Variants in MRPS5 observed in about 807,000 individuals in gnomAD.
The protein encoded by MRPS5 is small ribosomal subunit protein uS5m.
Under a neutral mutation model 51.9 loss-of-function variants are expected in MRPS5, and 27 were observed. That is an observed-to-expected ratio of 0.52 (90% CI 0.38 to 0.72). The LOEUF (loss-of-function observed/expected upper bound fraction) is 0.72. Ranked by LOEUF, MRPS5 falls within the 30% of genes least tolerant of loss-of-function variation. The pLI, the probability that MRPS5 is intolerant of heterozygous loss-of-function variation, is 0.00. For missense variants in MRPS5, 570 were observed against 545.7 expected, an observed-to-expected ratio of 1.04 and a Z score of -0.44; for synonymous variants, 196 against 193.2, an observed-to-expected ratio of 1.01 and a Z score of -0.12.
At position 95,101,690 on chromosome 2, in the gene MRPS5, T is replaced by A; in HGVS notation, c.797A>T (p.Asp266Val). ...FSIGKATDRM[D>V]AFRKAKNRAV... Reference sequence around the variant, plus strand: ...AAATGTACATACTTTCCTGAAAGCATCCATCCGATCAGTAGCTTTCCCAAT... The same window carrying A: ...AAATGTACATACTTTCCTGAAAGCAACCATCCGATCAGTAGCTTTCCCAAT... Residue 266 changes from aspartate (D) to valine (V), a missense_variant, in exon 8 of 12, where the codon GAT becomes GTT. Physicochemically the swap from Asp to Val is radical, Grantham distance 152. Transcript: ENST00000272418. The A allele has an allele frequency of 1.9e-6, 3 of 1,599,150 alleles. No homozygotes were observed. Among genetic ancestry groups the A allele is most frequent in the Non-Finnish European group, 2.6e-6 (3 of 1,176,302 alleles).
At chr2:95,107,825 C>T (rs1455173406) in intron 5 of MRPS5, among the ~76,000 whole-genome samples, 1 of 152,148 alleles carries the variant, frequency 6.6e-6, no homozygotes, top group Non-Finnish European at 1.5e-5. Flanking sequence ...ACAGAAACAG[C>T]ATTCCCAAGC....
intron 1 of MRPS5, 133 bp downstream of exon 1, chr2:95,121,601 A>G: frequency 1.0e-6 from 1 of 969,120 alleles, no homozygotes; most frequent in Non-Finnish European, 1.5e-6. Flanking sequence ...CTCCGGCGGA[A>G]GGTGGGGGCA....
At chr2:95,098,675 T>C (rs1360678284) in intron 10 of MRPS5, among the ~76,000 whole-genome samples, 1 of 151,792 alleles carries the variant, frequency 6.6e-6, no homozygotes, top group Non-Finnish European at 1.5e-5. Context: ...CATCACACAC[T>C]GGGGCCTGTG....
At position 95,116,322 on chromosome 2, in the gene MRPS5, T is replaced by G. The variant is rs1178399131; in HGVS notation, c.140-1119A>C. On this transcript the variant is annotated intron_variant, in intron 2 of 11. Transcript: ENST00000272418. The stretch of plus-strand genomic sequence containing the variant: ...ATAAGATATTTAATCTTGTACTGTT[T>G]AGCACTGCAATCTCTGATATACTTT... Among the ~76,000 whole-genome samples, 3 of 151,880 alleles carry G rather than the reference T, an allele frequency of 2.0e-5. No individual in the cohort carries two copies. The East Asian group carries it at 5.8e-4, about 29-fold the overall frequency.
At chr2:95,106,318 T>C (rs189104402) in intron 6 of MRPS5, 105 bp downstream of exon 6, 2 of 896,308 alleles carry the variant, frequency 2.2e-6, no homozygotes, top group Non-Finnish European at 3.7e-6. Context: ...TCAGAAATAG[T>C]CATGCATCCA....
At chr2:95,106,379 ACCTC>A in intron 6 of MRPS5, 40 bp downstream of exon 6, 4 of 1,415,804 alleles carry the variant, frequency 2.8e-6, no homozygotes, top group Non-Finnish European at 4.0e-6. Flanking sequence ...ACCCACCCCA[ACCTC>A]TCCAAAGGCT....
intron 11 of MRPS5, among the ~76,000 whole-genome samples, chr2:95,090,176 C>CAAAA (rs35901146): frequency 2.5e-4 from 11 of 43,534 alleles, no homozygotes; most frequent in African/African-American, 4.4e-4. Flanking sequence ...GACTCCGTCT[C>CAAAA]AAAAAAAAAA....
intron 3 of MRPS5, among the ~76,000 whole-genome samples, chr2:95,113,424 C>A (rs1439323254): frequency 6.6e-6 from 1 of 151,288 alleles, no homozygotes; most frequent in African/African-American, 2.4e-5. Context: ...TGCAGTGAGC[C>A]GAGACCACGC....
chr2:95,087,641 A>G, intron 11 of MRPS5, 60 bp from the exon 12 acceptor site: 2 of 1,449,554 alleles, frequency 1.4e-6, no homozygotes, highest in Non-Finnish European at 1.9e-6. Context: ...CATAAAGAGC[A>G]GGAACTTCCA....
In MRPS5 at chr2:95,121,767, C is replaced by A. The variant is rs762671457; in HGVS notation, c.25G>T (p.Gly9Cys). ...CCGCTACACAGCACGGGGAGGCAGCCCACAGCGCGCACCGCGGTCGCCATG... is the reference window on the plus strand; with the variant it reads ...CCGCTACACAGCACGGGGAGGCAGCACACAGCGCGCACCGCGGTCGCCATG... MATAVRAV[G>C]CLPVLCSGTA... Residue 9 changes from glycine (G) to cysteine (C), a missense_variant, in exon 1 of 12, where the codon GGC becomes TGC. Gly to Cys is a radical substitution (Grantham distance 159, BLOSUM62 -3). Transcript: ENST00000272418. 17 of 1,553,380 alleles carry A rather than the reference C, an allele frequency of 1.1e-5. No homozygotes were observed. The Admixed American group carries it at 2.8e-4, about 25-fold the overall frequency.
intron 3 of MRPS5, among the ~76,000 whole-genome samples, chr2:95,112,277 C>G (rs1026785934): frequency 6.6e-6 from 1 of 152,106 alleles, no homozygotes; most frequent in Non-Finnish European, 1.5e-5. Context: ...ATTGGTCAGA[C>G]TGGTCTCCAA....
At chr2:95,088,872 G>A (rs570698302) in intron 11 of MRPS5, among the ~76,000 whole-genome samples, 1 of 152,178 alleles carries the variant, frequency 6.6e-6, no homozygotes, top group Admixed American at 6.5e-5. Flanking sequence ...TTCAAGACCA[G>A]CCTGACCAAC....
At chr2:95,117,746 A>C in intron 2 of MRPS5, 119 bp downstream of exon 2, 1 of 817,428 alleles carries the variant, frequency 1.2e-6, no homozygotes, top group Non-Finnish European at 1.9e-6. Context: ...AGGCTAAAAA[A>C]TGAAAAAAGA....
At position 95,108,211 on chromosome 2, in the gene MRPS5, T is replaced by C; in HGVS notation, c.601A>G (p.Ile201Val). The C allele has an allele frequency of 6.2e-7, 1 of 1,614,210 alleles. No homozygotes were observed. Among genetic ancestry groups the C allele is most frequent in the Non-Finnish European group, 8.5e-7 (1 of 1,180,028 alleles). Reference sequence around the variant, plus strand: ...CCAGGGTCAGGGGGGCCAAGACTGATGCCTCCCCATGAGTTTCCACTCCAT... The same window carrying C: ...CCAGGGTCAGGGGGGCCAAGACTGACGCCTCCCCATGAGTTTCCACTCCAT... ...RGWSGNSWGG[I>V]SLGPPDPGPC... Residue 201 changes from isoleucine to valine, a missense_variant, in exon 5 of 12, where the codon ATC becomes GTC. Coordinates refer to ENST00000272418, the MANE Select transcript of MRPS5 (RefSeq NM_031902.5).
At chr2:95,110,192 C>T (rs1676076543) in intron 3 of MRPS5, 151 bp from the exon 4 acceptor site, 1 of 904,196 alleles carries the variant, frequency 1.1e-6, no homozygotes, top group Non-Finnish European at 1.7e-6. Flanking sequence ...TCATCCTTTG[C>T]ACACATCAGA....
In MRPS5 at chr2:95,090,423, C is replaced by T. The variant is rs1056465409; in HGVS notation, c.1031G>A (p.Ser344Asn). Residue 344 changes from serine (S) to asparagine (N), a missense_variant, in exon 11 of 12, where the codon AGC becomes AAC. Transcript: ENST00000272418. ...CCCACGGAAGAGGCCCTGGGTGAGG[C>T]TGAGCATATTAATGGACCCAGAGAC... ...AKVSGSINML[S>N]LTQGLFRGLS... 1.9e-6 allele frequency: 3 copies of T among 1,614,034 alleles called. No homozygotes were observed. Among genetic ancestry groups the T allele is most frequent in the Non-Finnish European group, 2.5e-6 (3 of 1,180,020 alleles).
At chr2:95,104,855 C>T (rs1287223320) in intron 6 of MRPS5, 125 bp from the exon 7 acceptor site, 5 of 717,266 alleles carry the variant, frequency 7.0e-6, no homozygotes, top group Non-Finnish European at 1.2e-5. Context: ...GGCACACCAT[C>T]CTCCAACTCC....
chr2:95,105,497 C>A (rs1194937882), intron 6 of MRPS5, among the ~76,000 whole-genome samples: 3 of 151,790 alleles, frequency 2.0e-5, no homozygotes, highest in Non-Finnish European at 4.4e-5. Flanking sequence ...TTGCAGTGAG[C>A]CGATACCACT....
chr2:95,121,818 T>A, upstream of MRPS5: 1 of 1,525,984 alleles, frequency 6.6e-7, no homozygotes, highest in Admixed American at 2.0e-5. Flanking sequence ...CGCCTCGGCC[T>A]CCGCCCAGGG....
Sources: allele counts gnomAD v4.1 joint callset (sites outside exome capture counted in the v4.1 genomes callset), GRCh38; gene constraint gnomAD v4.1.1; transcripts MANE v1.5; gene names NCBI Gene and HGNC (gene_info 2026-07-23, HGNC 2026-07-21).